PARL: variants seen among roughly 807,000 people sequenced by gnomAD.
PARL encodes presenilin-associated rhomboid-like protein, mitochondrial.
In PARL, 44 loss-of-function variants were observed where a neutral mutation model predicts 51.6. The ratio of observed to expected loss-of-function variants is 0.85; its 90% CI spans 0.67 to 1.10. PARL has a LOEUF of 1.10. Ranked by LOEUF, PARL falls within the 50% of genes least tolerant of loss-of-function variation. The pLI is 0.00. For missense variants in PARL, 441 were observed against 469.5 expected, an observed-to-expected ratio of 0.94 and a Z score of 0.56; for synonymous variants, 172 against 164.0, an observed-to-expected ratio of 1.05 and a Z score of -0.37.
At chr3:183,882,204 T>TAAAAAAA (rs1209073220) in intron 1 of PARL, among the ~76,000 whole-genome samples, 13 of 61,442 alleles carry the variant, frequency 2.1e-4, no homozygotes, top group East Asian at 2.1e-3. Flanking sequence ...ACAATGTCTC[T>TAAAAAAA]AAAAAAAAAA....
At chr3:183,830,429 T>C (rs263002) in intron 9 of PARL, among the ~76,000 whole-genome samples, 141,479 of 152,246 alleles carry the variant, frequency 0.93, 65,846 homozygotes, top group East Asian at 1. Flanking sequence ...GGGAGCATCT[T>C]CTGTGAGCTG....
intron 4 of PARL, among the ~76,000 whole-genome samples, chr3:183,862,160 T>C (rs376295613): frequency 7.9e-5 from 12 of 152,330 alleles, no homozygotes; most frequent in Admixed American, 7.8e-4. Context: ...TGTCTTTCCA[T>C]AACAATTTAC....
chr3:183,833,620 C>A (rs767930004), intron 8 of PARL, 31 bp from the exon 9 acceptor site: 6 of 1,530,100 alleles, frequency 3.9e-6, no homozygotes, highest in Non-Finnish European at 5.4e-6. Context: ...AGCGGCACAA[C>A]TGTGATTGCT....
chr3:183,882,221 AAATATATATATATATATATATATTTAT>A (rs1391334675), intron 1 of PARL, among the ~76,000 whole-genome samples: 6 of 48,294 alleles, frequency 1.2e-4, no homozygotes, highest in African/African-American at 7.8e-4. Flanking sequence ...AAAAAAAAAA[AAATATATATATATATATATATATTTAT>A]ATATATATAT....
At chr3:183,880,536 A>T (rs1204207805) in intron 1 of PARL, among the ~76,000 whole-genome samples, 1 of 151,586 alleles carries the variant, frequency 6.6e-6, no homozygotes, top group African/African-American at 2.4e-5. Context: ...CAAGTAGCTG[A>T]GATTACAGGC....
intron 7 of PARL, among the ~76,000 whole-genome samples, chr3:183,834,591 A>C (rs1045366263): frequency 6.6e-6 from 1 of 152,180 alleles, no homozygotes; most frequent in African/African-American, 2.4e-5. Flanking sequence ...AGGGGCAGGA[A>C]GGAGTGACCA....
chr3:183,843,267 T>C, intron 5 of PARL: 1 of 985,346 alleles, frequency 1.0e-6, no homozygotes, highest in Non-Finnish European at 1.2e-6. Flanking sequence ...AAACTCTCAG[T>C]TCAATGAAAG....
intron 7 of PARL, among the ~76,000 whole-genome samples, chr3:183,837,346 G>C (rs867706209): frequency 6.6e-6 from 1 of 152,158 alleles, no homozygotes; most frequent in Non-Finnish European, 1.5e-5. Flanking sequence ...ACCAAAAAAA[G>C]ATAGCCTAGC....
chr3:183,866,757 GC>G lies in PARL; in HGVS notation c.329del (p.Gly110AlafsTer15). 6.3e-7 allele frequency: 1 copy of G among 1,593,872 alleles called. No individual in the cohort carries two copies. Among genetic ancestry groups the G allele is most frequent in the East Asian group, 2.2e-5 (1 of 44,750 alleles). On this transcript the variant is annotated frameshift_variant, in exon 3 of 10. Transcript: ENST00000317096. LOFTEE classifies it high-confidence loss of function. ...KPLFFTVGFT[G>X]CAFGSAAIWQ... ...AAATAGCAGCTGATCCAAATGCACA[GC>G]CTGTAAACTATATAAAATTAGATAT...
At chr3:183,884,399 T>G (rs6803120) in intron 1 of PARL, among the ~76,000 whole-genome samples, 115,591 of 152,128 alleles carry the variant, frequency 0.76, 44,227 homozygotes, top group East Asian at 0.96. Flanking sequence ...TGTACTAACT[T>G]CTTCACTTCA....
At chr3:183,827,694 C>T (rs1431042352), downstream of PARL, among the ~76,000 whole-genome samples, 1 of 152,144 alleles carries the variant, frequency 6.6e-6, no homozygotes, top group Non-Finnish European at 1.5e-5. Flanking sequence ...TCAGACTTCA[C>T]CGATTGCTCG....
chr3:183,869,688 C>T (rs1440934580), intron 1 of PARL, among the ~76,000 whole-genome samples: 5 of 151,996 alleles, frequency 3.3e-5, no homozygotes, highest in East Asian at 1.9e-4. Context: ...AAGCAGAGCT[C>T]GGGTAGGTCT....
chr3:183,845,392 T>C (rs998490513), intron 4 of PARL, among the ~76,000 whole-genome samples: 7 of 152,188 alleles, frequency 4.6e-5, no homozygotes, highest in Non-Finnish European at 7.3e-5. Flanking sequence ...TAAGACATTT[T>C]TTCCATTTTA....
chr3:183,867,600 T>C (rs1310020247), intron 2 of PARL, among the ~76,000 whole-genome samples: 1 of 151,296 alleles, frequency 6.6e-6, no homozygotes, highest in Non-Finnish European at 1.5e-5. Context: ...CTTGGGAAGC[T>C]GAGGCAGGAG....
intron 1 of PARL, among the ~76,000 whole-genome samples, chr3:183,884,158 C>T (rs555942179): frequency 6.6e-6 from 1 of 152,338 alleles, no homozygotes; most frequent in Admixed American, 6.5e-5. Flanking sequence ...ACGCTTCACA[C>T]TTCTACTCGG....
At chr3:183,879,843 A>C (rs1409174189) in intron 1 of PARL, 1 of 172,100 alleles carries the variant, frequency 5.8e-6, no homozygotes. Flanking sequence ...CAGCCTCCCA[A>C]GTAGCTGGGA....
chr3:183,863,024 C>A (rs1228755975), intron 3 of PARL, among the ~76,000 whole-genome samples: 2 of 152,160 alleles, frequency 1.3e-5, no homozygotes, highest in Non-Finnish European at 2.9e-5. Flanking sequence ...AGCTCTGGAA[C>A]CTCAGACAAT....
chr3:183,847,034 A>C (rs1471808934), intron 4 of PARL, among the ~76,000 whole-genome samples: 1 of 152,116 alleles, frequency 6.6e-6, no homozygotes, highest in Non-Finnish European at 1.5e-5. Flanking sequence ...CCACATAAAA[A>C]CGGCTTCCTT....
chr3:183,868,723 G>A (rs1232757753), intron 1 of PARL, among the ~76,000 whole-genome samples: 1 of 152,204 alleles, frequency 6.6e-6, no homozygotes, highest in Non-Finnish European at 1.5e-5. Flanking sequence ...GTCAGTTTCA[G>A]TCAGAATGAC....
Sources: allele counts gnomAD v4.1 joint callset (sites outside exome capture counted in the v4.1 genomes callset), GRCh38; gene constraint gnomAD v4.1.1; transcripts MANE v1.5; gene names NCBI Gene and HGNC (gene_info 2026-07-23, HGNC 2026-07-21).